Variants in COP1 observed in about 807,000 individuals in gnomAD.
The protein encoded by COP1 is COP1 E3 ubiquitin ligase, also known as E3 ubiquitin-protein ligase COP1.
Under a neutral mutation model 101.3 loss-of-function variants are expected in COP1, and 24 were observed. The observed-to-expected ratio is 0.24, with a 90% CI of 0.17 to 0.33. The LOEUF is 0.33. Among genes scored for constraint, COP1 ranks in the 10% least tolerant of loss-of-function variants. The pLI is 1.00. For missense variants in COP1, 663 were observed against 906.2 expected (o/e 0.73, Z 3.45); for synonymous variants, 347 against 341.9 (o/e 1.01, Z -0.17).
chr1:176,018,690 TATTA>T (rs1666113886), intron 15 of COP1: 1 of 152,144 alleles, frequency 6.6e-6, no homozygotes, highest in Admixed American at 6.5e-5. Flanking sequence ...GAAAAAGGTA[TATTA>T]ATATTAATGT....
intron 6 of COP1, among the ~76,000 whole-genome samples, chr1:176,146,454 T>C (rs1037611815): frequency 2.0e-5 from 3 of 152,252 alleles, no homozygotes; most frequent in African/African-American, 7.2e-5. Flanking sequence ...ATTTCCAAGA[T>C]GAAGTTACAA....
intron 3 of COP1, among the ~76,000 whole-genome samples, chr1:176,171,519 G>GA (rs1195343357): frequency 2.0e-5 from 3 of 152,260 alleles, no homozygotes; most frequent in Admixed American, 2.0e-4. Context: ...GTCTTCACTG[G>GA]AGTAGCACTT....
chr1:176,206,668 G>A lies in COP1; in HGVS notation c.311C>T (p.Ser104Phe), dbSNP rs747294868. The change falls in exon 1 of 20, where the codon TCC becomes TTC. Residue 104 changes from serine to phenylalanine, a missense_variant. Transcript: ENST00000367669. ...RPSAGVGGSS[S>F]SLGSGSRKRP... ...CTTCCTGCTGCCGCTGCCTAGGCTG[G>A]AGCTGCTGCCTCCTACGCCGGCGCT... 3.1e-6 allele frequency: 5 copies of A among 1,610,538 alleles called. No homozygotes were observed. Among genetic ancestry groups the A allele is most frequent in the South Asian group, 1.1e-5 (1 of 91,078 alleles).
chr1:175,968,577 C>T, intron 18 of COP1: 1 of 494,332 alleles, frequency 2.0e-6, no homozygotes, highest in Non-Finnish European at 4.0e-6. Context: ...CTTTTGTTAA[C>T]CAGTCTTTTA....
intron 18 of COP1, among the ~76,000 whole-genome samples, chr1:175,976,852 C>T (rs1156409716): frequency 6.6e-6 from 1 of 152,030 alleles, no homozygotes; most frequent in African/African-American, 2.4e-5. Flanking sequence ...TATCAGGTTC[C>T]ATGAGGACTT....
chr1:175,998,345 A>G (rs1044599306), intron 15 of COP1, among the ~76,000 whole-genome samples: 8 of 151,782 alleles, frequency 5.3e-5, no homozygotes, highest in Non-Finnish European at 8.8e-5. Flanking sequence ...TAGCTTTAGG[A>G]GATATACCTA....
At chr1:175,980,280 AC>A (rs879927449) in intron 18 of COP1, among the ~76,000 whole-genome samples, 16,246 of 151,940 alleles carry the variant, frequency 0.11, 966 homozygotes, top group Middle Eastern at 0.16. Context: ...GAACACAAAT[AC>A]AATACAAGAC....
intron 18 of COP1, among the ~76,000 whole-genome samples, chr1:175,960,607 CTGTT>C (rs1651218863): frequency 6.6e-6 from 1 of 152,100 alleles, no homozygotes; most frequent in Non-Finnish European, 1.5e-5. Context: ...GAAATGAAGA[CTGTT>C]TAGTAATAAT....
At chr1:176,138,482 AAT>A (rs1300605220) in intron 6 of COP1, among the ~76,000 whole-genome samples, 3 of 152,240 alleles carry the variant, frequency 2.0e-5, no homozygotes, top group Non-Finnish European at 4.4e-5. Context: ...GCCGCCTTAA[AAT>A]ATGTCACACA....
At chr1:176,189,283 T>C (rs559518657) in intron 1 of COP1, among the ~76,000 whole-genome samples, 1 of 152,282 alleles carries the variant, frequency 6.6e-6, no homozygotes, top group South Asian at 2.1e-4. Flanking sequence ...ACTGCATTTA[T>C]TTCTTTCAGT....
At chr1:175,976,787 T>C (rs1654700256) in intron 18 of COP1, among the ~76,000 whole-genome samples, 1 of 152,210 alleles carries the variant, frequency 6.6e-6, no homozygotes, top group Non-Finnish European at 1.5e-5. Flanking sequence ...ATATTCTGAA[T>C]CTGACAAAAA....
At chr1:176,100,538 G>A (rs1683228492) in intron 9 of COP1, among the ~76,000 whole-genome samples, 1 of 152,082 alleles carries the variant, frequency 6.6e-6, no homozygotes, top group Non-Finnish European at 1.5e-5. Context: ...GAACCAAACA[G>A]TAGTTTCCAG....
At chr1:176,107,109 A>G (rs1389893487) in intron 9 of COP1, among the ~76,000 whole-genome samples, 1 of 152,200 alleles carries the variant, frequency 6.6e-6, no homozygotes, top group Non-Finnish European at 1.5e-5. Context: ...TTCCAGAAAT[A>G]TAAATGGTTT....
At chr1:176,074,713 T>C (rs1677655189) in intron 11 of COP1, among the ~76,000 whole-genome samples, 1 of 149,358 alleles carries the variant, frequency 6.7e-6, no homozygotes, top group Non-Finnish European at 1.5e-5. Flanking sequence ...AATTCAACAC[T>C]ACATTAAATC....
chr1:176,006,498 T>G (rs1162990702), intron 15 of COP1, among the ~76,000 whole-genome samples: 3 of 152,214 alleles, frequency 2.0e-5, no homozygotes, highest in African/African-American at 7.2e-5. Context: ...GGTTGTTCCT[T>G]TTCATGTTTA....
chr1:176,194,719 T>G (rs942825728), intron 1 of COP1, among the ~76,000 whole-genome samples: 1 of 151,790 alleles, frequency 6.6e-6, no homozygotes, highest in Non-Finnish European at 1.5e-5. Flanking sequence ...GAAACCCACT[T>G]TAAATATTAA....
chr1:176,168,941 T>G (rs946871472), intron 3 of COP1, among the ~76,000 whole-genome samples: 1 of 152,216 alleles, frequency 6.6e-6, no homozygotes, highest in African/African-American at 2.4e-5. Flanking sequence ...CAAATCCATC[T>G]TGAGTTATTT....
chr1:176,199,711 C>T (rs1306975405), intron 1 of COP1, among the ~76,000 whole-genome samples: 1 of 152,136 alleles, frequency 6.6e-6, no homozygotes, highest in Non-Finnish European at 1.5e-5. Context: ...TATGAAATTC[C>T]AGAAAAGGCA....
intron 18 of COP1, among the ~76,000 whole-genome samples, chr1:175,947,748 G>T (rs2148477416): frequency 6.6e-6 from 1 of 152,032 alleles, no homozygotes; most frequent in African/African-American, 2.4e-5. Flanking sequence ...TTTAATAAAA[G>T]AATAAAGTTA....
Sources: gnomAD v4.1 joint callset for allele counts (sites outside exome capture counted in the v4.1 genomes callset) on GRCh38, gnomAD v4.1.1 for gene constraint, MANE v1.5 for transcripts, NCBI Gene and HGNC (gene_info 2026-07-23, HGNC 2026-07-21) for gene names.